Variants in MAMLD1 observed in about 807,000 individuals in gnomAD.
MAMLD1 encodes mastermind-like domain-containing protein 1.
Under a neutral mutation model 45.0 loss-of-function variants are expected in MAMLD1, and 14 were observed. The ratio of observed to expected loss-of-function variants is 0.31; its 90% CI spans 0.21 to 0.49. The LOEUF (loss-of-function observed/expected upper bound fraction) is 0.49. Among genes scored for constraint, MAMLD1 ranks in the 20% least tolerant of loss-of-function variants. The probability of loss-of-function intolerance (pLI) is 0.99; values close to 1 mark genes in which losing one functional copy is unlikely to be tolerated. For synonymous variants in MAMLD1, 254 were observed against 247.8 expected, an observed-to-expected ratio of 1.02 and a Z score of -0.24; for missense variants, 543 against 603.6, an observed-to-expected ratio of 0.90 and a Z score of 1.05.
chrX:150,467,192 T>C (rs372561172), intron 3 of MAMLD1, among the ~76,000 whole-genome samples: 8 of 112,375 alleles, frequency 7.1e-5, no homozygotes, highest in African/African-American at 2.6e-4. Flanking sequence ...TTTTAACCTA[T>C]TGGATTCTTT....
chrX:150,442,496 G>A (rs1602822055), intron 1 of MAMLD1, among the ~76,000 whole-genome samples: 2 of 110,907 alleles, frequency 1.8e-5, no homozygotes. Context: ...TTATATATAT[G>A]CATAACATAA....
intron 5 of MAMLD1, among the ~76,000 whole-genome samples, chrX:150,487,470 C>T (rs1227239933): frequency 1.8e-5 from 2 of 112,288 alleles, no homozygotes; most frequent in African/African-American, 3.2e-5. Context: ...TACAGCACAG[C>T]GGTCTGTGGG....
At chrX:150,367,814 GT>G (rs1206779330) in intron 1 of MAMLD1, among the ~76,000 whole-genome samples, 2 of 110,145 alleles carry the variant, frequency 1.8e-5, no homozygotes, top group Non-Finnish European at 3.8e-5. Context: ...GCGGTGTTTG[GT>G]TTTTTGTCCT....
chrX:150,470,209 T>C lies in MAMLD1; in HGVS notation c.636T>C (p.His212=). The C allele has an allele frequency of 1.7e-6, 2 of 1,211,612 alleles. No homozygotes were observed. Among genetic ancestry groups the C allele is most frequent in the Non-Finnish European group, 2.2e-6 (2 of 895,523 alleles). Reference sequence around the variant, plus strand: ...CAGAAGAGCCACTGGTTTTAGATCATCCCCAGGCAACCCTAAGCACAACTC... The same window carrying C: ...CAGAAGAGCCACTGGTTTTAGATCACCCCCAGGCAACCCTAAGCACAACTC... ...TKPEEPLVLD[H]PQATLSTTPK... is the part of the protein sequence containing the mutation. The change falls in exon 4 of 8, where the codon CAT becomes CAC. Residue 212 remains histidine, a synonymous_variant. Coordinates refer to ENST00000370401, the MANE Select transcript of MAMLD1 (RefSeq NM_005491.5).
At chrX:150,489,671 G>GA (rs1461626843) in intron 5 of MAMLD1, among the ~76,000 whole-genome samples, 1 of 109,315 alleles carries the variant, frequency 9.1e-6, no homozygotes, top group African/African-American at 3.3e-5. Flanking sequence ...GGGTGTGGCA[G>GA]AGGGGTGAGG....
intron 6 of MAMLD1, chrX:150,503,924 C>T (rs1310975779): frequency 6.8e-6 from 2 of 295,630 alleles, no homozygotes; most frequent in African/African-American, 2.9e-5. Context: ...TCTGCACCTC[C>T]GAAGCCCTGC....
intron 1 of MAMLD1, among the ~76,000 whole-genome samples, chrX:150,442,830 G>A (rs970192444): frequency 9.1e-6 from 1 of 110,495 alleles, no homozygotes; most frequent in African/African-American, 3.3e-5. Flanking sequence ...TATTCTCTTT[G>A]TAGAGGCATA....
chrX:150,412,743 C>T (rs1286953287), intron 1 of MAMLD1, among the ~76,000 whole-genome samples: 2 of 110,156 alleles, frequency 1.8e-5, no homozygotes, highest in Non-Finnish European at 3.8e-5. Flanking sequence ...GAAACAGGGT[C>T]TCATTCTGCT....
intron 5 of MAMLD1, among the ~76,000 whole-genome samples, chrX:150,496,560 C>G (rs1041811985): frequency 8.9e-6 from 1 of 112,226 alleles, no homozygotes; most frequent in Non-Finnish European, 1.9e-5. Flanking sequence ...TCGTCATCAT[C>G]ATGAGAAAAT....
In MAMLD1 at chrX:150,512,880, A is replaced by G. The variant is rs1010571355; in HGVS notation, c.*921A>G. The G allele has an allele frequency of 1.7e-6, 2 of 1,153,609 alleles. No individual in the cohort carries two copies. Among genetic ancestry groups the G allele is most frequent in the Non-Finnish European group, 2.3e-6 (2 of 872,271 alleles). ...CGCCAGCCCCAACCCCCACTAAATG[A>G]TCTGATTTCGTCACCTGACTGCAAT... On this transcript the variant is annotated 3_prime_UTR_variant, in exon 8 of 8. Coordinates refer to ENST00000370401, the MANE Select transcript of MAMLD1 (RefSeq NM_005491.5).
At chrX:150,412,593 C>T (rs781833936) in intron 1 of MAMLD1, among the ~76,000 whole-genome samples, 12 of 111,438 alleles carry the variant, frequency 1.1e-4, no homozygotes, top group Non-Finnish European at 1.9e-4. Context: ...TTGCCTTAAG[C>T]CCTTACAGAG....
rs782230437 is a variant in MAMLD1, at chrX:150,461,846, G to A, written c.97-926G>A. On this transcript the variant is annotated intron_variant, in intron 2 of 7. Transcript: ENST00000370401. ...AGGGAAGCTTCCTGTTCTTGGAGTT[G>A]GCACTAGGAGCCACCCTCAGTGGCT... is the stretch of plus-strand genomic sequence containing the variant. 1.3e-4 allele frequency among the ~76,000 whole-genome samples: 15 copies of A among 112,322 alleles called. No individual in the cohort carries two copies. The East Asian group carries it at 2.2e-3, about 17-fold the overall frequency.
At chrX:150,498,143 C>T (rs1401397263) in intron 5 of MAMLD1, among the ~76,000 whole-genome samples, 1 of 110,915 alleles carries the variant, frequency 9.0e-6, no homozygotes, top group African/African-American at 3.3e-5. Flanking sequence ...CCTGCTGAGC[C>T]ATGTTGGCCA....
At chrX:150,503,729 C>G (rs1406135150) in intron 6 of MAMLD1, among the ~76,000 whole-genome samples, 1 of 112,463 alleles carries the variant, frequency 8.9e-6, no homozygotes, top group Non-Finnish European at 1.9e-5. Context: ...GGCAAAGGGA[C>G]AACCCAAGCA....
At chrX:150,441,943 C>T (rs1160627465) in intron 1 of MAMLD1, among the ~76,000 whole-genome samples, 3 of 111,076 alleles carry the variant, frequency 2.7e-5, no homozygotes, top group Admixed American at 9.6e-5. Context: ...CGTTTGCTTC[C>T]TATATTTGCA....
At chrX:150,394,005 C>T (rs781987203) in intron 1 of MAMLD1, among the ~76,000 whole-genome samples, 9 of 110,010 alleles carry the variant, frequency 8.2e-5, no homozygotes, top group South Asian at 3.8e-4. Flanking sequence ...TTGCCACATC[C>T]GGGGTGATTT....
At chrX:150,369,025 G>T (rs1018393183) in intron 1 of MAMLD1, among the ~76,000 whole-genome samples, 1 of 112,391 alleles carries the variant, frequency 8.9e-6, no homozygotes, top group African/African-American at 3.2e-5. Flanking sequence ...TTTTGGCTTA[G>T]GATTGTCTTG....
intron 1 of MAMLD1, among the ~76,000 whole-genome samples, chrX:150,435,601 T>C (rs1237442663): frequency 8.0e-5 from 9 of 112,827 alleles, no homozygotes; most frequent in Non-Finnish European, 1.7e-4. Context: ...TTTGAGCCTA[T>C]GGGTGTCGTT....
At position 150,403,956 on chromosome X, in the gene MAMLD1, G is replaced by GAAAGAAAGAAAGAAAGAAAGAA. The variant is rs2033908433; in HGVS notation, c.-64+40428_-64+40449dup. Among the ~76,000 whole-genome samples the GAAAGAAAGAAAGAAAGAAAGAA allele has an allele frequency of 1.2e-3, 92 of 75,711 alleles. 1 individual carries two copies. Among genetic ancestry groups the GAAAGAAAGAAAGAAAGAAAGAA allele is most frequent in the Middle Eastern group, 0.013 (2 of 152 alleles). The allele number at this position is 75,711 out of a possible 115,157, so 65.7% of individuals were successfully genotyped here. A position where few individuals can be genotyped will look rare whatever the true frequency, so the allele number is the denominator to read the frequency against. Reference sequence around the variant, plus strand: ...GAAAGAAAGAAAAGAAAGAAAGAAAGAAAGAAAGAAAGAAAGAAAGAAAGA... The same window carrying GAAAGAAAGAAAGAAAGAAAGAA: ...GAAAGAAAGAAAAGAAAGAAAGAAAGAAAGAAAGAAAGAAAGAAAGAAAAAGAAAGAAAGAAAGAAAGAAAGA... On this transcript the variant is annotated intron_variant, in intron 1 of 7. Coordinates refer to ENST00000370401, the MANE Select transcript of MAMLD1 (RefSeq NM_005491.5).
Sources: gnomAD v4.1 joint callset for allele counts (sites outside exome capture counted in the v4.1 genomes callset) on GRCh38, gnomAD v4.1.1 for gene constraint, MANE v1.5 for transcripts, NCBI Gene and HGNC (gene_info 2026-07-23, HGNC 2026-07-21) for gene names.